CNTN5: variants seen among roughly 807,000 people sequenced by gnomAD.
The protein encoded by CNTN5 is contactin-5.
A neutral mutation model predicts 129.1 loss-of-function variants in CNTN5; 77 were observed. The ratio of observed to expected loss-of-function variants is 0.60; its 90% confidence interval spans 0.50 to 0.72. The LOEUF (loss-of-function observed/expected upper bound fraction) is 0.72. Among genes scored for constraint, CNTN5 ranks in the 30% least tolerant of loss-of-function variants. CNTN5 has a pLI of 0.00. For missense variants in CNTN5, 1,478 were observed against 1,328.8 expected (o/e 1.11, Z -1.75); for synonymous variants, 509 against 465.6 (o/e 1.09, Z -1.20).
intron 1 of CNTN5, among the ~76,000 whole-genome samples, chr11:99,297,715 G>T (rs1219198800): frequency 6.6e-6 from 1 of 152,084 alleles, no homozygotes; most frequent in African/African-American, 2.4e-5. Flanking sequence ...TCGATCTCAG[G>T]TTCTCTTGAT....
chr11:99,911,335 G>A (rs1949653540), intron 6 of CNTN5, among the ~76,000 whole-genome samples: 1 of 151,924 alleles, frequency 6.6e-6, no homozygotes, highest in Non-Finnish European at 1.5e-5. Context: ...GAATACCTCA[G>A]TATTGGCACT....
At chr11:99,022,497 T>G (rs1472960667) in intron 1 of CNTN5, among the ~76,000 whole-genome samples, 1 of 152,188 alleles carries the variant, frequency 6.6e-6, no homozygotes, top group African/African-American at 2.4e-5. Context: ...TTGCATATTC[T>G]CCTATTTCAT....
chr11:99,802,151 T>C (rs1946133553), intron 3 of CNTN5, among the ~76,000 whole-genome samples: 1 of 152,256 alleles, frequency 6.6e-6, no homozygotes, highest in Non-Finnish European at 1.5e-5. Flanking sequence ...TGTTCTTCTA[T>C]AGACCTATAT....
chr11:99,255,778 A>G (rs1307894865), intron 1 of CNTN5, among the ~76,000 whole-genome samples: 1 of 151,486 alleles, frequency 6.6e-6, no homozygotes, highest in African/African-American at 2.4e-5. Context: ...ATATACACAC[A>G]TACATGCATA....
At chr11:100,109,743 C>A (rs528044008) in intron 13 of CNTN5, among the ~76,000 whole-genome samples, 13 of 152,292 alleles carry the variant, frequency 8.5e-5, no homozygotes, top group African/African-American at 2.9e-4. Flanking sequence ...GTTAAGGGCG[C>A]AACCTAACAA....
chr11:99,895,315 G>T (rs746503328), intron 6 of CNTN5, among the ~76,000 whole-genome samples: 6 of 152,186 alleles, frequency 3.9e-5, no homozygotes, highest in Non-Finnish European at 7.3e-5. Context: ...AAGAAGACTT[G>T]ATCTGTACAG....
intron 2 of CNTN5, among the ~76,000 whole-genome samples, chr11:99,463,440 A>AACG (rs1322337849): frequency 2.7e-4 from 27 of 100,294 alleles, no homozygotes; most frequent in Non-Finnish European, 1.0e-4. Context: ...TCTGTCTCAA[A>AACG]AAGAAAAAAA....
In CNTN5 at chr11:99,149,935, C is replaced by T. The variant is rs1859967179; in HGVS notation, c.-210+128665C>T. Among the ~76,000 whole-genome samples the T allele has an allele frequency of 2.0e-5, 3 of 151,892 alleles. No homozygotes were observed. The South Asian group carries it at 6.2e-4, about 32-fold the overall frequency. On this transcript the variant is annotated intron_variant, in intron 1 of 24. Transcript: ENST00000524871. ...ATCTCCCTCACCTTAATAAAGGAGG[C>T]CAGGAGTATTGTATATTGCTATTCA...
At chr11:99,668,910 C>G (rs1952914270) in intron 3 of CNTN5, among the ~76,000 whole-genome samples, 1 of 152,208 alleles carries the variant, frequency 6.6e-6, no homozygotes, top group East Asian at 1.9e-4. Context: ...GTTTTCTCAC[C>G]TCATTTTGTG....
At chr11:100,042,529 G>T (rs1330140196) in intron 9 of CNTN5, among the ~76,000 whole-genome samples, 1 of 152,132 alleles carries the variant, frequency 6.6e-6, no homozygotes, top group Non-Finnish European at 1.5e-5. Context: ...TGCAGTTGGG[G>T]AGTACTTTCT....
chr11:100,161,872 C>CACACACACACACACACAA (rs1191557675), intron 13 of CNTN5, among the ~76,000 whole-genome samples: 4 of 127,620 alleles, frequency 3.1e-5, no homozygotes, highest in African/African-American at 9.0e-5. Context: ...CACACACACA[C>CACACACACACACACACAA]AAAACAAAAA....
chr11:100,028,274 C>T (rs12270514), intron 9 of CNTN5, among the ~76,000 whole-genome samples: 5,702 of 152,098 alleles, frequency 0.037, 363 homozygotes, highest in African/African-American at 0.13. Context: ...TTTTCAGTGC[C>T]AAGTGACAAG....
intron 9 of CNTN5, among the ~76,000 whole-genome samples, chr11:100,030,400 G>A (rs565285529): frequency 1.1e-4 from 16 of 152,278 alleles, no homozygotes; most frequent in South Asian, 2.1e-4. Flanking sequence ...TGCAGTGACT[G>A]TAGTAGACAG....
At chr11:99,402,742 T>C (rs984908810) in intron 2 of CNTN5, among the ~76,000 whole-genome samples, 3 of 152,164 alleles carry the variant, frequency 2.0e-5, no homozygotes, top group African/African-American at 7.2e-5. Flanking sequence ...AGCTCTGATC[T>C]TGTTAATTCT....
At chr11:99,848,135 G>A (rs1452096364) in intron 6 of CNTN5, among the ~76,000 whole-genome samples, 3 of 151,452 alleles carry the variant, frequency 2.0e-5, no homozygotes, top group Admixed American at 1.3e-4. Context: ...GCTTGAACCC[G>A]GGAGGCGGAG....
chr11:99,901,923 C>A (rs10894129), intron 6 of CNTN5, among the ~76,000 whole-genome samples: 18,868 of 152,074 alleles, frequency 0.12, 1,519 homozygotes, highest in Middle Eastern at 0.19. Context: ...AGCGTTATCC[C>A]CTGACAATCA....
In CNTN5 at chr11:99,891,492, C is replaced by G. The variant is rs569211159; in HGVS notation, c.578-24562C>G. ...CTATGCCTCCCCTAGGCCCCCACCC[C>G]CCAACAGGCCCAGGTATGTAATGTT... On this transcript the variant is annotated intron_variant, in intron 6 of 24. Coordinates refer to ENST00000524871, the MANE Select transcript of CNTN5 (RefSeq NM_014361.4). 7.9e-5 allele frequency among the ~76,000 whole-genome samples: 12 copies of G among 152,134 alleles called. No individual in the cohort carries two copies. In the South Asian group the frequency reaches 2.5e-3, roughly 32 times the overall value.
chr11:99,210,722 G>A (rs1038550182), intron 1 of CNTN5, among the ~76,000 whole-genome samples: 1 of 152,014 alleles, frequency 6.6e-6, no homozygotes, highest in East Asian at 1.9e-4. Context: ...TAAATGTTAT[G>A]TTTAGCTGTT....
chr11:99,052,749 G>A (rs1864477617), intron 1 of CNTN5, among the ~76,000 whole-genome samples: 1 of 151,792 alleles, frequency 6.6e-6, no homozygotes, highest in African/African-American at 2.4e-5. Context: ...GATGAAGAGT[G>A]GAAAGTATTG....
Sources: gnomAD v4.1 joint callset for allele counts (sites outside exome capture counted in the v4.1 genomes callset) on GRCh38, gnomAD v4.1.1 for gene constraint, MANE v1.5 for transcripts, NCBI Gene and HGNC (gene_info 2026-07-23, HGNC 2026-07-21) for gene names.